PADI6: variants seen among roughly 807,000 people sequenced by gnomAD.
PADI6 encodes peptidyl arginine deiminase 6.
Under a neutral mutation model 78.2 loss-of-function variants are expected in PADI6, and 66 were observed. The observed-to-expected ratio is 0.84, with a 90% CI of 0.69 to 1.04. The LOEUF is 1.04. Among genes scored for constraint, PADI6 ranks in the 50% least tolerant of loss-of-function variants. PADI6 has a pLI of 0.00. For missense variants in PADI6, 854 were observed against 866.1 expected (o/e 0.99, Z 0.18); for synonymous variants, 397 against 346.9 (o/e 1.14, Z -1.60).
intron 1 of PADI6, 111 bp downstream of exon 1, chr1:17,372,472 GC>G: frequency 2.0e-6 from 2 of 1,003,616 alleles, no homozygotes; most frequent in Non-Finnish European, 3.1e-6. Context: ...TCACTATCCT[GC>G]CCCATCTTGG....
intron 15 of PADI6, among the ~76,000 whole-genome samples, chr1:17,399,056 A>G (rs1315816934): frequency 6.6e-6 from 1 of 152,084 alleles, no homozygotes; most frequent in African/African-American, 2.4e-5. Flanking sequence ...GAGGTTCCCC[A>G]GGCAGTTACT....
intron 8 of PADI6, among the ~76,000 whole-genome samples, chr1:17,391,463 G>T (rs1165456841): frequency 6.6e-6 from 1 of 152,122 alleles, no homozygotes; most frequent in Non-Finnish European, 1.5e-5. Context: ...TAGGTGATCC[G>T]CCCGCCTCAG....
chr1:17,388,701 C>A, intron 7 of PADI6, 76 bp from the exon 8 acceptor site: 2 of 1,496,718 alleles, frequency 1.3e-6, no homozygotes, highest in African/African-American at 1.4e-5. Flanking sequence ...CCGGACTGAA[C>A]GGCCGGAACC....
Position 17,373,065 on chromosome 1 carries a change from C to T in PADI6, c.126C>T (p.Pro42=), listed in dbSNP as rs1017170654. 1.2e-6 allele frequency: 2 copies of T among 1,613,658 alleles called. No individual in the cohort carries two copies. The highest frequency in any genetic ancestry group is 1.3e-5 in the African/African-American group (1 of 74,930). Residue 42 remains proline, a synonymous_variant, in exon 2 of 16, where the codon CCC becomes CCT. Transcript: ENST00000619609. ...TTACCGGGCAAACCAGGTGTGCCCC[C>T]CAGAAGTGCCAGTGCTTCACCATCC... is the stretch of plus-strand genomic sequence containing the variant. ...EICLDLSGCA[P]QKCQCFTIHG...
chr1:17,382,612 T>A (rs1220416147), intron 6 of PADI6, among the ~76,000 whole-genome samples: 2 of 152,190 alleles, frequency 1.3e-5, no homozygotes, highest in Non-Finnish European at 2.9e-5. Flanking sequence ...TAGCATACTC[T>A]ATTCTATAGA....
chr1:17,393,647 GGTTTT>G lies in PADI6; in HGVS notation c.1075-322_1075-318del, dbSNP rs921921530. 7.2e-5 allele frequency among the ~76,000 whole-genome samples: 11 copies of G among 152,016 alleles called. No homozygotes were observed. In the East Asian group the frequency reaches 7.7e-4, roughly 11 times the overall value. ...AGCCACCATGCCTGGCTAACTTTTT[GGTTTT>G]GTTTTAAGTAGACTGTCTCACCATG... On this transcript the variant is annotated intron_variant, in intron 9 of 15. Coordinates refer to ENST00000619609, the MANE Select transcript of PADI6 (RefSeq NM_207421.4).
Position 17,372,359 on chromosome 1 carries a change from C to T in PADI6, c.114C>T (p.Ser38=), listed in dbSNP as rs2074970221. ...VLGTEICLDL[S]GCAPQKCQCF... ...GCACAGAAATCTGCTTGGATCTCAG[C>T]GGGTGAGATGCTGGGAGCTCTGCCA... Residue 38 remains serine, a splice_region_variant and synonymous_variant, in exon 1 of 16, where the codon AGC becomes AGT. Coordinates refer to ENST00000619609, the MANE Select transcript of PADI6 (RefSeq NM_207421.4). 13 of 1,613,632 alleles carry T rather than the reference C, an allele frequency of 8.1e-6. No homozygotes were observed. The highest frequency in any genetic ancestry group is 4.5e-5 in the East Asian group (2 of 44,858).
intron 13 of PADI6, among the ~76,000 whole-genome samples, chr1:17,396,069 G>A (rs2075243684): frequency 6.6e-6 from 1 of 152,158 alleles, no homozygotes; most frequent in Non-Finnish European, 1.5e-5. Context: ...TGTGGCTGGT[G>A]CCATTGCACT....
chr1:17,399,201 G>A (rs956086162), intron 15 of PADI6, among the ~76,000 whole-genome samples: 1 of 152,222 alleles, frequency 6.6e-6, no homozygotes, highest in Non-Finnish European at 1.5e-5. Flanking sequence ...GCATCTGCCA[G>A]CAGCGAGGCC....
chr1:17,384,465 C>T (rs762720861), intron 6 of PADI6, among the ~76,000 whole-genome samples: 8 of 151,012 alleles, frequency 5.3e-5, no homozygotes, highest in South Asian at 2.1e-4. Flanking sequence ...CCTGGCCAGG[C>T]GTGGTGGTTC....
Position 17,388,559 on chromosome 1 carries a change from G to A in PADI6, c.858G>A (p.Pro286=), listed in dbSNP as rs928692274. The A allele has an allele frequency of 8.1e-6, 13 of 1,605,950 alleles. No individual in the cohort carries two copies. Among genetic ancestry groups the A allele is most frequent in the Admixed American group, 1.7e-5 (1 of 59,710 alleles). ...CCCTGGTGGAGGAGTCTCAAGACCCGGTATGTCCCCATAATAGATGGGTCC... is the reference window on the plus strand; with the variant it reads ...CCCTGGTGGAGGAGTCTCAAGACCCAGTATGTCCCCATAATAGATGGGTCC... The part of the protein sequence containing the change: ...SVSLVEESQD[P]SIPETVLYKD... Residue 286 remains proline (P), a splice_region_variant and synonymous_variant, in exon 7 of 16, where the codon CCG becomes CCA. Coordinates refer to ENST00000619609, the MANE Select transcript of PADI6 (RefSeq NM_207421.4).
In PADI6 at chr1:17,373,199, T is replaced by C. The variant is rs1361484211; in HGVS notation, c.260T>C (p.Met87Thr). ...GATCCCACGTACGCCACAGTGAAGA[T>C]GACATCGCCCAGCCCTTCCGTGGAT... is the stretch of plus-strand genomic sequence containing the variant. ...LSDPTYATVK[M>T]TSPSPSVDAD... The change falls in exon 2 of 16, where the codon ATG becomes ACG. Residue 87 changes from methionine (M) to threonine (T), a missense_variant. Coordinates refer to ENST00000619609, the MANE Select transcript of PADI6 (RefSeq NM_207421.4). The C allele has an allele frequency of 1.2e-6, 2 of 1,613,938 alleles. No homozygotes were observed. The highest frequency in any genetic ancestry group is 1.7e-6 in the Non-Finnish European group (2 of 1,179,844).
chr1:17,394,893 G>A lies in PADI6; in HGVS notation c.1338-58G>A, dbSNP rs925568945. 9.4e-6 allele frequency: 14 copies of A among 1,492,060 alleles called. No homozygotes were observed. The East Asian group carries it at 1.5e-4, about 16-fold the overall frequency. The allele number at this position is 1,492,060 out of a possible 1,614,324, so 92.4% of individuals were successfully genotyped here. A position where few individuals can be genotyped will look rare whatever the true frequency, so the allele number is the denominator to read the frequency against. ...TGGAGGCAGCATGACACCAAGTGGCGGGTGACCAGCCCTGGGCCACACTGG... is the reference window on the plus strand; with the variant it reads ...TGGAGGCAGCATGACACCAAGTGGCAGGTGACCAGCCCTGGGCCACACTGG... On this transcript the variant is annotated intron_variant, in intron 11 of 15. Coordinates refer to ENST00000619609, the MANE Select transcript of PADI6 (RefSeq NM_207421.4).
At position 17,397,158 on chromosome 1, in the gene PADI6, G is replaced by C; in HGVS notation, c.1689+17G>C. On this transcript the variant is annotated intron_variant, in intron 14 of 15. Coordinates refer to ENST00000619609, the MANE Select transcript of PADI6 (RefSeq NM_207421.4). ...TACGTGGAGGTAGGACCAGTGTGAA[G>C]GGGGCCATCCCCAAGAAAGAGCTGG... 1 of 1,613,104 alleles carries C rather than the reference G, an allele frequency of 6.2e-7. No individual in the cohort carries two copies. Among genetic ancestry groups the C allele is most frequent in the Non-Finnish European group, 8.5e-7 (1 of 1,179,382 alleles).
chr1:17,372,362 G>A lies in PADI6; in HGVS notation c.116+1G>A. 1 of 1,613,190 alleles carries A rather than the reference G, an allele frequency of 6.2e-7. No individual in the cohort carries two copies. The highest frequency in any genetic ancestry group is 1.1e-5 in the South Asian group (1 of 91,076). ...CAGAAATCTGCTTGGATCTCAGCGGGTGAGATGCTGGGAGCTCTGCCAGAG... is the reference window on the plus strand; with the variant it reads ...CAGAAATCTGCTTGGATCTCAGCGGATGAGATGCTGGGAGCTCTGCCAGAG... On this transcript the variant is annotated splice_donor_variant, in intron 1 of 15. Coordinates refer to ENST00000619609, the MANE Select transcript of PADI6 (RefSeq NM_207421.4). LOFTEE classifies it high-confidence loss of function.
intron 6 of PADI6, among the ~76,000 whole-genome samples, chr1:17,384,789 A>AC (rs2075104420): frequency 6.6e-6 from 1 of 152,244 alleles, no homozygotes; most frequent in African/African-American, 2.4e-5. Flanking sequence ...TAGTAAAGTC[A>AC]CAATCCTCAG....
intron 8 of PADI6, among the ~76,000 whole-genome samples, chr1:17,391,274 T>C (rs34761211): frequency 0.3 from 45,478 of 151,998 alleles, 7,124 homozygotes; most frequent in Middle Eastern, 0.41. Flanking sequence ...GACTGGAGTG[T>C]AGTGGTGTGA....
intron 9 of PADI6, among the ~76,000 whole-genome samples, chr1:17,393,201 A>G (rs940398222): frequency 1.3e-5 from 2 of 152,168 alleles, no homozygotes; most frequent in Admixed American, 6.5e-5. Flanking sequence ...GCTGATGCAG[A>G]CAGATCACAG....
At chr1:17,389,319 C>T (rs1044592591) in intron 8 of PADI6, among the ~76,000 whole-genome samples, 8 of 152,142 alleles carry the variant, frequency 5.3e-5, no homozygotes, top group Admixed American at 2.0e-4. Context: ...GCCATACCTA[C>T]TCTAAATACA....
Sources: gnomAD v4.1 joint callset for allele counts (sites outside exome capture counted in the v4.1 genomes callset) on GRCh38, gnomAD v4.1.1 for gene constraint, MANE v1.5 for transcripts, NCBI Gene and HGNC (gene_info 2026-07-23, HGNC 2026-07-21) for gene names.